The following BAZ2B variants were observed in gnomAD, a reference collection of about 807,000 sequenced individuals.
BAZ2B encodes bromodomain adjacent to zinc finger domain protein 2B.
A neutral mutation model predicts 246.0 loss-of-function variants in BAZ2B; 91 were observed. The ratio of observed to expected loss-of-function variants is 0.37; its 90% CI spans 0.31 to 0.44. BAZ2B has a LOEUF of 0.44. Among genes scored for constraint, BAZ2B ranks in the 20% least tolerant of loss-of-function variants. The pLI is 1.00. For synonymous variants in BAZ2B, 855 were observed against 860.0 expected (o/e 0.99, Z 0.10); for missense variants, 2,332 against 2,533.7 (o/e 0.92, Z 1.71).
At chr2:159,540,891 C>A (rs983038226) in intron 2 of BAZ2B, among the ~76,000 whole-genome samples, 1 of 152,122 alleles carries the variant, frequency 6.6e-6, no homozygotes, top group Non-Finnish European at 1.5e-5. Flanking sequence ...CACCTGTTTA[C>A]TGAGAAGCAA....
At chr2:159,536,192 A>G (rs955077598) in intron 2 of BAZ2B, 8 of 152,224 alleles carry the variant, frequency 5.3e-5, no homozygotes, top group African/African-American at 1.9e-4. Context: ...GACCACAAGG[A>G]GCTCACAATC....
At chr2:159,539,768 T>C (rs886172552) in intron 2 of BAZ2B, among the ~76,000 whole-genome samples, 2 of 152,212 alleles carry the variant, frequency 1.3e-5, no homozygotes, top group African/African-American at 2.4e-5. Context: ...CTCTTCACAT[T>C]AGAAAGAAGC....
intron 2 of BAZ2B, among the ~76,000 whole-genome samples, chr2:159,538,656 GTTGAGGA>G (rs1209796700): frequency 1.3e-5 from 2 of 152,178 alleles, no homozygotes; most frequent in African/African-American, 4.8e-5. Context: ...TAGGCACCCA[GTTGAGGA>G]CCAACAGAGG....
intron 6 of BAZ2B, chr2:159,444,253 C>T (rs551612026): frequency 2.6e-5 from 4 of 152,072 alleles, no homozygotes; most frequent in Admixed American, 6.6e-5. Flanking sequence ...ATACCTGTGT[C>T]CCTGGGAGGA....
chr2:159,386,105 A>T (rs3771707), intron 22 of BAZ2B, among the ~76,000 whole-genome samples: 109,678 of 152,056 alleles, frequency 0.72, 41,409 homozygotes, highest in Non-Finnish European at 0.85. Context: ...ATTTCCTTAA[A>T]TCACCTTGGT....
At chr2:159,549,100 G>A (rs185584552) in intron 2 of BAZ2B, among the ~76,000 whole-genome samples, 210 of 152,208 alleles carry the variant, frequency 1.4e-3, no homozygotes, top group Admixed American at 3.9e-3. Flanking sequence ...AAGCAACATG[G>A]CGAAACCTCA....
chr2:159,350,423 T>C, intron 27 of BAZ2B, 66 bp from the exon 28 acceptor site: 1 of 1,323,522 alleles, frequency 7.6e-7, no homozygotes, highest in Non-Finnish European at 1.0e-6. Context: ...TAATTAAATT[T>C]CATTACTCTT....
intron 20 of BAZ2B, among the ~76,000 whole-genome samples, chr2:159,393,559 T>C (rs570374477): frequency 2.0e-5 from 3 of 152,326 alleles, no homozygotes; most frequent in Non-Finnish European, 4.4e-5. Context: ...TCCCTTTATC[T>C]GCTACCTGTT....
intron 2 of BAZ2B, among the ~76,000 whole-genome samples, chr2:159,531,247 T>C (rs2085348538): frequency 6.6e-6 from 1 of 152,154 alleles, no homozygotes; most frequent in African/African-American, 2.4e-5. Context: ...ACTTTCCTCA[T>C]CTGGAAAATG....
the BAZ2B span, among the ~76,000 whole-genome samples, chr2:159,698,415 G>GCTCAAGTC: frequency 6.7e-6 from 1 of 150,374 alleles, no homozygotes; most frequent in African/African-American, 2.5e-5. Context: ...CAGCTACTCA[G>GCTCAAGTC]ATGACTTGAG....
chr2:159,350,018 C>T lies in BAZ2B; in HGVS notation c.4553G>A (p.Ser1518Asn). Residue 1518 changes from serine to asparagine, a missense_variant, in exon 28 of 37, where the codon AGC becomes AAC. By Grantham distance (46) the Ser-to-Asn change is conservative. Transcript: ENST00000392783. ...LGSVQSTATQ[S>N]NVEKADSNNL... Reference sequence around the variant, plus strand: ...ATTAGAGTCTGCCTTTTCCACATTGCTTTGCGTTGCTGTTGACTGAACGCT... The same window carrying T: ...ATTAGAGTCTGCCTTTTCCACATTGTTTTGCGTTGCTGTTGACTGAACGCT... 1 of 1,614,192 alleles carries T rather than the reference C, an allele frequency of 6.2e-7. No homozygotes were observed. The highest frequency in any genetic ancestry group is 8.5e-7 in the Non-Finnish European group (1 of 1,180,026).
the BAZ2B span, among the ~76,000 whole-genome samples, chr2:159,660,485 G>A: frequency 4.7e-4 from 72 of 152,222 alleles, no homozygotes; most frequent in Admixed American, 2.3e-3. Flanking sequence ...AGTTGTAGAT[G>A]TGATGTATTT....
intron 2 of BAZ2B, among the ~76,000 whole-genome samples, chr2:159,488,666 A>G (rs1198510867): frequency 6.6e-6 from 1 of 152,220 alleles, no homozygotes; most frequent in African/African-American, 2.4e-5. Flanking sequence ...CACATTAAAA[A>G]ATATTACACA....
chr2:159,659,674 C>T, the BAZ2B span, among the ~76,000 whole-genome samples: 12 of 152,236 alleles, frequency 7.9e-5, no homozygotes, highest in African/African-American at 2.2e-4. Flanking sequence ...AGTTCCCTGG[C>T]GTAGGGGTAT....
the BAZ2B span, among the ~76,000 whole-genome samples, chr2:159,676,025 A>C: frequency 1.3e-5 from 2 of 152,146 alleles, no homozygotes; most frequent in Non-Finnish European, 2.9e-5. Flanking sequence ...TCTCCCGAGT[A>C]GCTGGGATTA....
At chr2:159,600,422 T>G (rs1205589793) in intron 1 of BAZ2B, among the ~76,000 whole-genome samples, 1 of 152,086 alleles carries the variant, frequency 6.6e-6, no homozygotes, top group Non-Finnish European at 1.5e-5. Context: ...AATAATAATA[T>G]TCCCACTGTT....
At chr2:159,372,454 G>A (rs1199419337) in intron 27 of BAZ2B, among the ~76,000 whole-genome samples, 1 of 152,210 alleles carries the variant, frequency 6.6e-6, no homozygotes, top group African/African-American at 2.4e-5. Flanking sequence ...GGTTTACTGA[G>A]CACATAAATG....
chr2:159,327,994 G>A (rs1033209865), intron 34 of BAZ2B, among the ~76,000 whole-genome samples: 1 of 148,606 alleles, frequency 6.7e-6, no homozygotes, highest in Non-Finnish European at 1.5e-5. Flanking sequence ...GAACCTAGGA[G>A]GTGGAGGTTG....
chr2:159,478,749 A>T, intron 2 of BAZ2B, 28 bp from the exon 3 acceptor site: 1 of 1,409,502 alleles, frequency 7.1e-7, no homozygotes, highest in Non-Finnish European at 9.3e-7. Context: ...GTTAATTCTC[A>T]GTATCAGATA....
Sources: gnomAD v4.1 joint callset for allele counts (sites outside exome capture counted in the v4.1 genomes callset) on GRCh38, gnomAD v4.1.1 for gene constraint, MANE v1.5 for transcripts, NCBI Gene and HGNC (gene_info 2026-07-23, HGNC 2026-07-21) for gene names.